Variants in NCAPD3 observed in about 807,000 individuals in gnomAD.
The protein encoded by NCAPD3 is non-SMC condensin II complex subunit D3.
In NCAPD3, 105 loss-of-function variants were observed where a neutral mutation model predicts 182.9. The ratio of observed to expected loss-of-function variants is 0.57; its 90% CI spans 0.49 to 0.68. NCAPD3 has a LOEUF of 0.68. Among genes scored for constraint, NCAPD3 ranks in the 30% least tolerant of loss-of-function variants. The probability of loss-of-function intolerance (pLI) is 0.00; values close to 1 mark genes in which losing one functional copy is unlikely to be tolerated. For missense variants in NCAPD3, 1,944 were observed against 1,837.0 expected, an observed-to-expected ratio of 1.06 and a Z score of -1.07; for synonymous variants, 815 against 679.9, an observed-to-expected ratio of 1.20 and a Z score of -3.09.
intron 29 of NCAPD3, among the ~76,000 whole-genome samples, chr11:134,159,603 A>C (rs1486934208): frequency 1.3e-5 from 2 of 152,226 alleles, no homozygotes; most frequent in Non-Finnish European, 2.9e-5. Context: ...CTGGGGGAAG[A>C]TGCGGACACA....
chr11:134,168,872 C>T, intron 25 of NCAPD3, 45 bp downstream of exon 25: 2 of 1,589,980 alleles, frequency 1.3e-6, no homozygotes, highest in South Asian at 1.2e-5. Flanking sequence ...ATTCCCCCAG[C>T]TCTTACCCAG....
intron 25 of NCAPD3, 100 bp from the exon 26 acceptor site, chr11:134,168,702 C>A: frequency 6.7e-7 from 1 of 1,501,692 alleles, no homozygotes; most frequent in Non-Finnish European, 9.1e-7. Context: ...ATGCCAAAGA[C>A]TCCAGTGCAC....
intron 29 of NCAPD3, among the ~76,000 whole-genome samples, chr11:134,158,876 C>G (rs1212452397): frequency 6.6e-6 from 1 of 152,158 alleles, no homozygotes; most frequent in South Asian, 2.1e-4. Flanking sequence ...TCTCTAACTC[C>G]GTGAGATCAA....
intron 20 of NCAPD3, among the ~76,000 whole-genome samples, chr11:134,180,066 A>G (rs1944261884): frequency 6.6e-6 from 1 of 152,082 alleles, no homozygotes; most frequent in African/African-American, 2.4e-5. Flanking sequence ...CTCACTGACC[A>G]TAGTAAGCAT....
intron 32 of NCAPD3, among the ~76,000 whole-genome samples, chr11:134,154,224 A>G (rs532338849): frequency 6.6e-6 from 1 of 152,242 alleles, no homozygotes; most frequent in South Asian, 2.1e-4. Context: ...AGCCACTGTC[A>G]TTTATTAGCA....
intron 13 of NCAPD3, among the ~76,000 whole-genome samples, chr11:134,201,424 T>C (rs538962264): frequency 6.6e-6 from 1 of 152,316 alleles, no homozygotes; most frequent in Non-Finnish European, 1.5e-5. Context: ...GGTTTATTTT[T>C]CAGCTGATGG....
At chr11:134,159,807 C>T in intron 29 of NCAPD3, 85 bp downstream of exon 29, 1 of 1,413,070 alleles carries the variant, frequency 7.1e-7, no homozygotes, top group South Asian at 1.4e-5. Context: ...TGACGGAGAT[C>T]TTGAGAGGTG....
chr11:134,200,742 T>A (rs866571705), intron 13 of NCAPD3, among the ~76,000 whole-genome samples: 1 of 152,146 alleles, frequency 6.6e-6, no homozygotes, highest in East Asian at 1.9e-4. Flanking sequence ...TCAGAGGGAA[T>A]GAAACCACAC....
At chr11:134,181,263 A>T in intron 19 of NCAPD3, 79 bp from the exon 20 acceptor site, 2 of 920,230 alleles carry the variant, frequency 2.2e-6, no homozygotes, top group Non-Finnish European at 3.4e-6. Flanking sequence ...TTCTCAGAAG[A>T]AACTATGATC....
In NCAPD3 at chr11:134,196,886, C is replaced by T. The variant is rs187845434; in HGVS notation, c.1616-2148G>A. Among the ~76,000 whole-genome samples the T allele has an allele frequency of 2.0e-5, 3 of 152,240 alleles. No individual in the cohort carries two copies. In the East Asian group the frequency reaches 5.8e-4, roughly 29 times the overall value. ...TACTACCCTGATAGCAAAACCAAAA[C>T]ATCTCAAGAAAACAACGGATATAGT... On this transcript the variant is annotated intron_variant, in intron 13 of 34. Coordinates refer to ENST00000534548, the MANE Select transcript of NCAPD3 (RefSeq NM_015261.3).
chr11:134,206,267 G>A (rs1937613908), intron 8 of NCAPD3, among the ~76,000 whole-genome samples: 1 of 152,156 alleles, frequency 6.6e-6, no homozygotes, highest in African/African-American at 2.4e-5. Context: ...AGGGAAAGAG[G>A]TGAACTGGCT....
intron 27 of NCAPD3, among the ~76,000 whole-genome samples, chr11:134,167,422 T>G (rs1441419190): frequency 1.2e-5 from 1 of 85,442 alleles, no homozygotes; most frequent in African/African-American, 4.8e-5. Flanking sequence ...GAGATGAGCT[T>G]GGGGGAGGCG....
intron 27 of NCAPD3, among the ~76,000 whole-genome samples, chr11:134,165,872 CACT>C (rs1943770915): frequency 7.3e-6 from 1 of 136,782 alleles, no homozygotes. Context: ...GCTGCACACT[CACT>C]AGTGAGATGA....
intron 18 of NCAPD3, 59 bp downstream of exon 18, chr11:134,184,837 ACACACAC>A: frequency 7.1e-7 from 1 of 1,402,924 alleles, no homozygotes; most frequent in Non-Finnish European, 1.0e-6. Context: ...ACACACACAC[ACACACAC>A]ACACACCTGA....
chr11:134,163,246 T>G (rs1478269499), intron 27 of NCAPD3, among the ~76,000 whole-genome samples: 2 of 152,190 alleles, frequency 1.3e-5, no homozygotes, highest in Admixed American at 6.5e-5. Context: ...TTTACCCATT[T>G]TAAACAAACA....
At position 134,204,034 on chromosome 11, in the gene NCAPD3, G is replaced by A. The variant is rs369914601; in HGVS notation, c.1215+12C>T. On this transcript the variant is annotated intron_variant, in intron 10 of 34. Coordinates refer to ENST00000534548, the MANE Select transcript of NCAPD3 (RefSeq NM_015261.3). This position sits in a 1 kb window ranked among gnomAD's most constrained non-coding sequence, Gnocchi z 4.3. ...AAAAGGACCCAAGGTTTTATGCAGA[G>A]CTATCTCCTACCTTGGAACTTCGGG... The A allele has an allele frequency of 1.2e-6, 2 of 1,613,818 alleles. No individual in the cohort carries two copies. Among genetic ancestry groups the A allele is most frequent in the Non-Finnish European group, 8.5e-7 (1 of 1,179,882 alleles).
chr11:134,180,586 A>C (rs1477740581), intron 20 of NCAPD3, among the ~76,000 whole-genome samples: 3 of 152,212 alleles, frequency 2.0e-5, no homozygotes, highest in Admixed American at 6.5e-5. Context: ...TGGGGCTCCA[A>C]GGTCATCTGT....
At chr11:134,179,484 G>A (rs895358890) in intron 20 of NCAPD3, among the ~76,000 whole-genome samples, 5 of 152,158 alleles carry the variant, frequency 3.3e-5, no homozygotes, top group Admixed American at 6.5e-5. Context: ...TAGGACTGTC[G>A]TCATAACTTA....
At chr11:134,159,703 G>A (rs747989861) in intron 29 of NCAPD3, among the ~76,000 whole-genome samples, 189 bp downstream of exon 29, 2 of 152,224 alleles carry the variant, frequency 1.3e-5, no homozygotes, top group Non-Finnish European at 2.9e-5. Context: ...TGGAAGGGAG[G>A]TCTGGAGCAC....
Sources: allele counts gnomAD v4.1 joint callset (sites outside exome capture counted in the v4.1 genomes callset), GRCh38; gene constraint gnomAD v4.1.1; non-coding constraint Gnocchi (gnomAD v3.1); transcripts MANE v1.5; gene names NCBI Gene and HGNC (gene_info 2026-07-23, HGNC 2026-07-21).